GSE1: variants seen among roughly 807,000 people sequenced by gnomAD.
GSE1 encodes the protein Gse1 coiled-coil protein.
In GSE1, 32 loss-of-function variants were observed where a neutral mutation model predicts 112.6. That is an observed-to-expected ratio of 0.28 (90% CI 0.21 to 0.38). The LOEUF (loss-of-function observed/expected upper bound fraction) is 0.38. Ranked by LOEUF, GSE1 falls within the 10% of genes least tolerant of loss-of-function variation. The probability of loss-of-function intolerance (pLI) is 1.00; values close to 1 mark genes in which losing one functional copy is unlikely to be tolerated. For missense variants in GSE1, 2,348 were observed against 1,699.2 expected (o/e 1.38, Z -6.71); for synonymous variants, 1,115 against 735.6 (o/e 1.52, Z -8.35).
At position 85,382,715 on chromosome 16, in the gene GSE1, GCACA is replaced by G. The variant is rs112103997; in HGVS notation, c.2464+25083_2464+25086del. Reference sequence around the variant, plus strand: ...ATCAAGAGCATGGCACCTCACACATGCACACACACACACAGCCATGTGCACACTC... The same window carrying G: ...ATCAAGAGCATGGCACCTCACACATGCACACACACAGCCATGTGCACACTC... On this transcript the variant is annotated intron_variant, in intron 2 of 2. Coordinates refer to the GSE1 transcript ENST00000637419. Among the ~76,000 whole-genome samples the G allele has an allele frequency of 2.4e-3, 364 of 151,624 alleles. 1 individual carries two copies. The highest frequency in any genetic ancestry group is 0.02 in the Middle Eastern group (6 of 294).
intron 1 of GSE1, among the ~76,000 whole-genome samples, chr16:85,231,809 TTG>T (rs1904289268): frequency 6.6e-6 from 1 of 152,250 alleles, no homozygotes; most frequent in Non-Finnish European, 1.5e-5. Context: ...AGAATTACTG[TTG>T]TCTCAGCCTA....
intron 2 of GSE1, among the ~76,000 whole-genome samples, chr16:85,462,879 G>A (rs2050012055): frequency 6.7e-6 from 1 of 149,046 alleles, no homozygotes; most frequent in Non-Finnish European, 1.5e-5. Flanking sequence ...GCTCCACGCC[G>A]CGGGCAGGGC....
chr16:85,195,000 G>A (rs1186403555), intron 1 of GSE1, among the ~76,000 whole-genome samples: 1 of 151,988 alleles, frequency 6.6e-6, no homozygotes, highest in African/African-American at 2.4e-5. Flanking sequence ...ACTTGTTCCC[G>A]GTACAGGAAT....
rs1288932384 is a variant in GSE1 at position 85,407,963 on chromosome 16, G to C, written c.2464+50320G>C. ...TGGATAATCCTCACCGTTACACTCAGGGTCCCTCTGATAATCCTCACTGTT... is the reference window on the plus strand; with the variant it reads ...TGGATAATCCTCACCGTTACACTCACGGTCCCTCTGATAATCCTCACTGTT... On this transcript the variant is annotated intron_variant, in intron 2 of 2. Transcript: ENST00000637419. 5.4e-5 allele frequency among the ~76,000 whole-genome samples: 3 copies of C among 55,576 alleles called. 1 individual carries two copies. Among genetic ancestry groups the C allele is most frequent in the Non-Finnish European group, 1.2e-4 (3 of 25,776 alleles). 36.5% of individuals were successfully genotyped at this position (55,576 alleles called of 152,430 possible). A position where few individuals can be genotyped will look rare whatever the true frequency, so the allele number is the denominator to read the frequency against.
chr16:85,416,929 G>A lies in GSE1; in HGVS notation c.2464+59286G>A, dbSNP rs1307698181. On this transcript the variant is annotated intron_variant, in intron 2 of 2. Transcript: ENST00000637419. The stretch of plus-strand genomic sequence containing the variant: ...GGGGTGCAGTGGCACGATCATGGTC[G>A]CTGCAGCCTCAACCTCCCAGGCTCA... Among the ~76,000 whole-genome samples the A allele has an allele frequency of 2.6e-5, 4 of 152,226 alleles. No individual in the cohort carries two copies. In the South Asian group the frequency reaches 6.2e-4, roughly 24 times the overall value.
chr16:85,353,396 A>T (rs1365597585), intron 1 of GSE1, among the ~76,000 whole-genome samples: 1 of 152,118 alleles, frequency 6.6e-6, no homozygotes, highest in African/African-American at 2.4e-5. Flanking sequence ...TTGCAGGGTA[A>T]CCCTATGTTA....
rs1484596644 is a variant in GSE1, at chr16:85,631,871, AT to A, written c.8-2042del. 2.6e-5 allele frequency among the ~76,000 whole-genome samples: 4 copies of A among 152,362 alleles called. No homozygotes were observed. The East Asian group carries it at 7.7e-4, about 29-fold the overall frequency. The stretch of plus-strand genomic sequence containing the variant: ...CACAGGCGCGTTTTCATCGCCTCCA[AT>A]GGACCCGCTGCGCCTCTGTGCACAG... On this transcript the variant is annotated intron_variant, in intron 1 of 15. Coordinates refer to ENST00000253458, the MANE Select transcript of GSE1 (RefSeq NM_014615.5).
chr16:85,365,261 TC>T (rs2047163380), intron 2 of GSE1, among the ~76,000 whole-genome samples: 1 of 152,224 alleles, frequency 6.6e-6, no homozygotes, highest in South Asian at 2.1e-4. Flanking sequence ...CGTCCTGGTC[TC>T]CCTGTCTGCT....
chr16:85,298,851 G>A (rs1267116225), intron 1 of GSE1, among the ~76,000 whole-genome samples: 1 of 152,256 alleles, frequency 6.6e-6, no homozygotes, highest in African/African-American at 2.4e-5. Flanking sequence ...TAGAACTTTC[G>A]GGAGTGGGTG....
At chr16:85,280,933 G>C (rs1412039060) in intron 1 of GSE1, among the ~76,000 whole-genome samples, 3 of 152,168 alleles carry the variant, frequency 2.0e-5, no homozygotes, top group African/African-American at 7.2e-5. Context: ...TTGGAACCAG[G>C]TCCTGGCGTT....
In GSE1 at chr16:85,674,728, A is replaced by G. The variant is rs553211224; in HGVS notation, c.*2189A>G. 2.0e-5 allele frequency: 3 copies of G among 152,390 alleles called. No homozygotes were observed. The highest frequency in any genetic ancestry group is 6.5e-5 in the Admixed American group (1 of 15,300). 9.4% of individuals were successfully genotyped at this position (152,390 alleles called of 1,614,324 possible). A position where few individuals can be genotyped will look rare whatever the true frequency, so the allele number is the denominator to read the frequency against. ...GGGCACTCCCTTGGTTGGATTTTCTATGACAGCACAGGGGACAGGTGGCAC... is the reference window on the plus strand; with the variant it reads ...GGGCACTCCCTTGGTTGGATTTTCTGTGACAGCACAGGGGACAGGTGGCAC... On this transcript the variant is annotated 3_prime_UTR_variant, in exon 16 of 16. Transcript: ENST00000253458.
chr16:85,488,490 C>A (rs2050910672), intron 2 of GSE1, among the ~76,000 whole-genome samples: 1 of 152,004 alleles, frequency 6.6e-6, no homozygotes, highest in African/African-American at 2.4e-5. Context: ...CTGGCTTATT[C>A]CTCTCTCAGC....
At chr16:85,295,098 C>T (rs11860393) in intron 1 of GSE1, among the ~76,000 whole-genome samples, 20,632 of 151,886 alleles carry the variant, frequency 0.14, 1,716 homozygotes, top group African/African-American at 0.22. Flanking sequence ...CTCGAGGGTT[C>T]GGGTTTCAAC....
At chr16:85,408,646 T>C (rs188116293) in intron 2 of GSE1, among the ~76,000 whole-genome samples, 242 of 2,388 alleles carry the variant, frequency 0.1, 11 homozygotes, top group Non-Finnish European at 0.11. Flanking sequence ...CTGTTGAACT[T>C]AGGGCCCCCC....
intron 1 of GSE1, among the ~76,000 whole-genome samples, chr16:85,176,153 T>C (rs2074459557): frequency 6.6e-6 from 1 of 152,182 alleles, no homozygotes; most frequent in Non-Finnish European, 1.5e-5. Flanking sequence ...CATGCCAAGC[T>C]AATTTTTTGT....
At chr16:85,662,944 C>T (rs779819147) in intron 9 of GSE1, 37 bp from the exon 10 acceptor site, 9 of 1,381,038 alleles carry the variant, frequency 6.5e-6, no homozygotes, top group Non-Finnish European at 9.3e-6. Flanking sequence ...CAGATGAAGG[C>T]TCTTTGTCTG....
intron 2 of GSE1, among the ~76,000 whole-genome samples, chr16:85,522,899 T>G (rs1168701580): frequency 1.3e-5 from 2 of 152,006 alleles, no homozygotes; most frequent in Non-Finnish European, 2.9e-5. Context: ...GTGTTGTATG[T>G]GTGACTTTGT....
At chr16:85,664,842 C>T (rs2052707897) in intron 11 of GSE1, 173 bp from the exon 12 acceptor site, 1 of 597,516 alleles carries the variant, frequency 1.7e-6, no homozygotes, top group East Asian at 2.8e-5. Flanking sequence ...GCAATCTGGG[C>T]TCGCTTTGAG....
At chr16:85,490,301 G>A (rs185259036) in intron 2 of GSE1, 7 of 152,380 alleles carry the variant, frequency 4.6e-5, no homozygotes, top group South Asian at 2.1e-4. Context: ...GGGCCTTCAC[G>A]GATGCCAGGA....
Sources: gnomAD v4.1 joint callset for allele counts (sites outside exome capture counted in the v4.1 genomes callset) on GRCh38, gnomAD v4.1.1 for gene constraint, MANE v1.5 for transcripts, NCBI Gene and HGNC (gene_info 2026-07-23, HGNC 2026-07-21) for gene names.